TBC1D30: variants seen among roughly 807,000 people sequenced by gnomAD.
TBC1D30 encodes the protein TBC1 domain family member 30.
In TBC1D30, 31 loss-of-function variants were observed where a neutral mutation model predicts 63.2. The observed-to-expected ratio is 0.49, with a 90% CI of 0.37 to 0.66. The LOEUF (loss-of-function observed/expected upper bound fraction) is 0.66, where lower values mean the gene tolerates loss of function less well. Among genes scored for constraint, TBC1D30 ranks in the 30% least tolerant of loss-of-function variants. The pLI is 0.00. For synonymous variants in TBC1D30, 307 were observed against 361.5 expected (o/e 0.85, Z 1.71); for missense variants, 810 against 953.6 (o/e 0.85, Z 1.98).
At chr12:64,843,036 C>T (rs1375867681) in intron 7 of TBC1D30, among the ~76,000 whole-genome samples, 1 of 152,220 alleles carries the variant, frequency 6.6e-6, no homozygotes, top group Non-Finnish European at 1.5e-5. Context: ...GAGACAGGGT[C>T]TCACTGTGTT....
chr12:64,772,985 A>G (rs1565635464), intron 1 of TBC1D30, among the ~76,000 whole-genome samples: 1 of 152,254 alleles, frequency 6.6e-6, no homozygotes, highest in Non-Finnish European at 1.5e-5. Flanking sequence ...TCCTGTAAGC[A>G]TCATGACTTG....
At chr12:64,854,407 C>A (rs753651517) in intron 8 of TBC1D30, among the ~76,000 whole-genome samples, 4 of 151,884 alleles carry the variant, frequency 2.6e-5, no homozygotes, top group African/African-American at 4.8e-5. Flanking sequence ...CTTTTTAACT[C>A]CTTGTTGTTT....
chr12:64,836,746 G>A (rs1875398099), intron 6 of TBC1D30, 88 bp downstream of exon 6: 13 of 1,217,846 alleles, frequency 1.1e-5, no homozygotes, highest in South Asian at 9.1e-5. Context: ...ATGGAAATAT[G>A]TATTTCCAGC....
intron 1 of TBC1D30, among the ~76,000 whole-genome samples, chr12:64,781,697 T>C: frequency 6.6e-6 from 1 of 151,434 alleles, no homozygotes; most frequent in South Asian, 2.1e-4. Context: ...TTTCCTTTTT[T>C]TTTTTTTGTT....
intron 1 of TBC1D30, among the ~76,000 whole-genome samples, chr12:64,773,409 C>T (rs762568842): frequency 6.6e-6 from 1 of 152,096 alleles, no homozygotes; most frequent in African/African-American, 2.4e-5. Context: ...CCATTCCAGC[C>T]TCTAGGTGTT....
At chr12:64,797,028 C>CAAAAAAA (rs552416081) in intron 2 of TBC1D30, among the ~76,000 whole-genome samples, 1 of 75,138 alleles carries the variant, frequency 1.3e-5, no homozygotes, top group African/African-American at 5.3e-5. Context: ...TTCTCCTCTG[C>CAAAAAAA]AAAAAAAAAA....
intron 11 of TBC1D30, among the ~76,000 whole-genome samples, chr12:64,873,635 G>A (rs568565059): frequency 7.9e-5 from 12 of 152,276 alleles, no homozygotes; most frequent in African/African-American, 2.9e-4. Context: ...CTGAGAGCCT[G>A]AGAGCTAGAA....
chr12:64,776,382 C>G (rs549288279), upstream of TBC1D30, among the ~76,000 whole-genome samples: 2 of 151,818 alleles, frequency 1.3e-5, no homozygotes, highest in Non-Finnish European at 2.9e-5. Flanking sequence ...ACGAAGAAAA[C>G]AGAGAAGATT....
chr12:64,829,043 A>G (rs1172422391), intron 3 of TBC1D30, among the ~76,000 whole-genome samples: 1 of 151,978 alleles, frequency 6.6e-6, no homozygotes, highest in Admixed American at 6.6e-5. Context: ...GGGCACAGTG[A>G]ACAAAGGGGG....
chr12:64,800,146 C>T (rs1028097564), intron 2 of TBC1D30, among the ~76,000 whole-genome samples: 1 of 152,018 alleles, frequency 6.6e-6, no homozygotes, highest in African/African-American at 2.4e-5. Flanking sequence ...AGAAATGTGC[C>T]CTGTGGACAG....
intron 2 of TBC1D30, among the ~76,000 whole-genome samples, chr12:64,810,860 T>C (rs1423330290): frequency 6.6e-6 from 1 of 152,222 alleles, no homozygotes; most frequent in Non-Finnish European, 1.5e-5. Flanking sequence ...CCATCCTTAC[T>C]GTTAGGAAGC....
intron 6 of TBC1D30, among the ~76,000 whole-genome samples, chr12:64,837,777 G>A (rs1007981284): frequency 4.6e-5 from 7 of 151,170 alleles, no homozygotes; most frequent in Admixed American, 2.6e-4. Flanking sequence ...TAATGCTTCC[G>A]GATAGGCCAA....
upstream of TBC1D30, among the ~76,000 whole-genome samples, chr12:64,778,417 A>G (rs1257657864): frequency 6.6e-6 from 1 of 152,060 alleles, no homozygotes; most frequent in Non-Finnish European, 1.5e-5. Context: ...AAATCAGTAG[A>G]TTATATACTG....
chr12:64,840,004 CA>C (rs60440376), intron 7 of TBC1D30, among the ~76,000 whole-genome samples: 93 of 98,320 alleles, frequency 9.5e-4, no homozygotes, highest in South Asian at 1.6e-3. Context: ...GACTCTGTCT[CA>C]AAAAAAAAAA....
intron 2 of TBC1D30, among the ~76,000 whole-genome samples, chr12:64,793,834 G>A (rs1452069784): frequency 1.3e-5 from 2 of 152,194 alleles, no homozygotes; most frequent in Non-Finnish European, 1.5e-5. Flanking sequence ...TACTGGCTGG[G>A]CTCCATCTGC....
chr12:64,767,105 A>G (rs901451091), intron 1 of TBC1D30, among the ~76,000 whole-genome samples: 4 of 152,098 alleles, frequency 2.6e-5, no homozygotes, highest in African/African-American at 9.7e-5. Context: ...ATGATCTCAT[A>G]TCATTAATTT....
intron 1 of TBC1D30, among the ~76,000 whole-genome samples, chr12:64,767,618 A>G (rs1490657676): frequency 3.3e-5 from 5 of 152,102 alleles, no homozygotes; most frequent in Non-Finnish European, 7.4e-5. Flanking sequence ...GTGTCACAAT[A>G]TGTAACTATG....
intron 2 of TBC1D30, among the ~76,000 whole-genome samples, chr12:64,816,037 T>TC (rs1451565928): frequency 3.7e-5 from 1 of 27,046 alleles, no homozygotes; most frequent in Admixed American, 3.5e-4. Flanking sequence ...TCAGAATACT[T>TC]TTTTTTTTTT....
chr12:64,866,807 G>C lies in TBC1D30; in HGVS notation c.1195G>C (p.Asp399His), dbSNP rs1272319316. 10 of 1,536,498 alleles carry C rather than the reference G, an allele frequency of 6.5e-6. No homozygotes were observed. Among genetic ancestry groups the C allele is most frequent in the Non-Finnish European group, 8.7e-6 (10 of 1,147,030 alleles). ...AGACAGTGATGAAGAGAATGACCCA[G>C]ACGATGAGGATGCTGTCGTTAATGC... ...ARDSDEENDP[D>H]DEDAVVNAVG... is the part of the protein sequence containing the mutation. Residue 399 changes from aspartate (D) to histidine (H), a missense_variant, in exon 10 of 12, where the codon GAC becomes CAC. By Grantham distance (81) the Asp-to-His change is moderately conservative. This residue lies in a region of TBC1D30 where 450 missense variants were observed against 473.0 expected (regional missense o/e 0.95). Transcript: ENST00000539867.
Sources: allele counts gnomAD v4.1 joint callset (sites outside exome capture counted in the v4.1 genomes callset), GRCh38; gene constraint gnomAD v4.1.1; regional missense constraint gnomAD v4.1.1; transcripts MANE v1.5; gene names NCBI Gene and HGNC (gene_info 2026-07-23, HGNC 2026-07-21).